Variants in ZFPM1 observed in about 807,000 individuals in gnomAD.
The protein encoded by ZFPM1 is zinc finger protein, FOG family member 1.
ZFPM1 carries 28 observed loss-of-function variants against 46.3 expected under a neutral mutation model. That is an observed-to-expected ratio of 0.60 (90% CI 0.45 to 0.83). The LOEUF (loss-of-function observed/expected upper bound fraction) is 0.83, where lower values mean the gene tolerates loss of function less well. ZFPM1 is among the 40% of genes least tolerant of loss of function. The pLI, the probability that ZFPM1 is intolerant of heterozygous loss-of-function variation, is 0.00. For missense variants in ZFPM1, 1,878 were observed against 1,432.4 expected (o/e 1.31, Z -5.02); for synonymous variants, 957 against 675.9 (o/e 1.42, Z -6.45).
rs1387980734 is a variant in ZFPM1, at chr16:88,533,192, C to T, written c.1234C>T (p.Pro412Ser). The T allele has an allele frequency of 1.3e-5, 20 of 1,539,168 alleles. No homozygotes were observed. Among genetic ancestry groups the T allele is most frequent in the Non-Finnish European group, 1.7e-5 (20 of 1,152,666 alleles). ...FQQQHTALQGPLASADLGLAP... is the reference protein window; with the variant it reads ...FQQQHTALQGSLASADLGLAP... ...GCAGCAGCACACGGCCCTGCAAGGC[C>T]CCCTGGCCTCCGCGGACCTGGGCCT... The change falls in exon 10 of 10, where the codon CCC becomes TCC. Residue 412 changes from proline to serine, a missense_variant. Transcript: ENST00000319555.
Position 88,534,296 on chromosome 16 carries a change from G to T in ZFPM1, c.2338G>T (p.Gly780Cys). ...CGGAAGCGGAAGCGGAAGCGGCCCC[G>T]GCCTCGCCCCTGCGCGCTCGCCCGG... Reference protein sequence around the residue: ...RPGSGSGSGPGLAPARSPGPA... With the variant: ...RPGSGSGSGPCLAPARSPGPA... The change falls in exon 10 of 10, where the codon GGC becomes TGC. Residue 780 changes from glycine (G) to cysteine (C), a missense_variant. Coordinates refer to ENST00000319555, the MANE Select transcript of ZFPM1 (RefSeq NM_153813.3). 1 of 1,227,786 alleles carries T rather than the reference G, an allele frequency of 8.1e-7. No homozygotes were observed. The highest frequency in any genetic ancestry group is 1.0e-6 in the Non-Finnish European group (1 of 987,362). The allele number at this position is 1,227,786 out of a possible 1,614,324, so 76.1% of individuals were successfully genotyped here.
intron 1 of ZFPM1, among the ~76,000 whole-genome samples, chr16:88,460,014 C>G (rs7188155): frequency 0.33 from 50,520 of 150,834 alleles, 8,670 homozygotes; most frequent in East Asian, 0.49. Flanking sequence ...CCCTGACACC[C>G]ACCCTCTAGC....
intron 3 of ZFPM1, 71 bp downstream of exon 3, chr16:88,489,224 C>A: frequency 6.6e-7 from 1 of 1,509,986 alleles, no homozygotes. Context: ...GGGAGCAGGG[C>A]GACGTGGGTG....
At chr16:88,478,067 C>G (rs1187979726) in intron 1 of ZFPM1, among the ~76,000 whole-genome samples, 1 of 152,200 alleles carries the variant, frequency 6.6e-6, no homozygotes, top group East Asian at 1.9e-4. Context: ...GTCTGTCTGC[C>G]TCTTGGTGGA....
intron 4 of ZFPM1, among the ~76,000 whole-genome samples, chr16:88,521,209 A>C (rs1266431353): frequency 2.8e-5 from 4 of 144,422 alleles, no homozygotes; most frequent in African/African-American, 7.8e-5. Flanking sequence ...GCTGTTTCCC[A>C]CTGCCACTCC....
chr16:88,483,556 C>T (rs1005701544), intron 1 of ZFPM1, among the ~76,000 whole-genome samples: 6 of 152,228 alleles, frequency 3.9e-5, no homozygotes, highest in East Asian at 1.9e-4. Flanking sequence ...CTCCCATCCC[C>T]GTGTTTTTCT....
chr16:88,489,944 G>A (rs1459036884), intron 3 of ZFPM1, among the ~76,000 whole-genome samples: 26 of 152,156 alleles, frequency 1.7e-4, no homozygotes, highest in Admixed American at 1.7e-3. Flanking sequence ...GGGAGGGAGG[G>A]GGCCCAGCAG....
chr16:88,517,226 ATGGGTGGGTGGG>A (rs552381201), intron 4 of ZFPM1, among the ~76,000 whole-genome samples: 7,113 of 27,232 alleles, frequency 0.26, 398 homozygotes, highest in African/African-American at 0.38. Context: ...GGATGGATGG[ATGGGTGGGTGGG>A]TGGGTGGATG....
rs1367380117 is a variant in ZFPM1, at chr16:88,528,650, G to A, written c.712+412G>A. ...GAGGTGTCCCTGGACACCACGGGGG[G>A]TGAGCGGCAGCCCTGGCCCCGGCCC... is the stretch of plus-strand genomic sequence containing the variant. On this transcript the variant is annotated intron_variant, in intron 6 of 9. Transcript: ENST00000319555. Among the ~76,000 whole-genome samples, 6 of 152,238 alleles carry A rather than the reference G, an allele frequency of 3.9e-5. No homozygotes were observed. The East Asian group carries it at 1.2e-3, about 29-fold the overall frequency.
chr16:88,527,956 T>C, intron 5 of ZFPM1, 76 bp from the exon 6 acceptor site: 1 of 1,416,206 alleles, frequency 7.1e-7, no homozygotes, highest in Non-Finnish European at 9.5e-7. Flanking sequence ...CCTGACCCCA[T>C]CCTCTGCCCC....
intron 4 of ZFPM1, among the ~76,000 whole-genome samples, chr16:88,519,286 T>C (rs996328897): frequency 6.7e-6 from 1 of 150,302 alleles, no homozygotes; most frequent in Admixed American, 6.6e-5. Context: ...GATGGATGGA[T>C]GGATGGATGG....
rs1908902624 is a variant in ZFPM1, at chr16:88,480,866, T to A, written c.41-5073T>A. On this transcript the variant is annotated intron_variant, in intron 1 of 9. Transcript: ENST00000319555. This position sits in a 1 kb window ranked among gnomAD's most constrained non-coding sequence, Gnocchi z 4.9. ...CTGGCTCCAGCTTTCCGCAAGACAG[T>A]CGTTCAAAGGAGCCCCCCAGCGCCT... is the stretch of plus-strand genomic sequence containing the variant. Among the ~76,000 whole-genome samples the A allele has an allele frequency of 6.6e-6, 1 of 152,198 alleles. No homozygotes were observed. Among genetic ancestry groups the A allele is most frequent in the South Asian group, 2.1e-4 (1 of 4,834 alleles).
chr16:88,484,466 G>A (rs114434383), intron 1 of ZFPM1, among the ~76,000 whole-genome samples: 1,741 of 152,226 alleles, frequency 0.011, 38 homozygotes, highest in African/African-American at 0.039. Flanking sequence ...TCAGACACGC[G>A]GTTTCCAGAC....
chr16:88,517,630 G>T (rs1328586227), intron 4 of ZFPM1, among the ~76,000 whole-genome samples: 2 of 150,102 alleles, frequency 1.3e-5, no homozygotes, highest in Non-Finnish European at 3.0e-5. Context: ...TGGATAGGTG[G>T]GTAGATGGAT....
At chr16:88,514,245 C>T in intron 3 of ZFPM1, 142 bp from the exon 4 acceptor site, 12 of 1,411,490 alleles carry the variant, frequency 8.5e-6, no homozygotes, top group African/African-American at 1.4e-5. Flanking sequence ...CCCCTGGGAC[C>T]CAGCACCTGC....
intron 1 of ZFPM1, 84 bp downstream of exon 1, chr16:88,453,762 C>G (rs921051880): frequency 2.3e-6 from 2 of 864,644 alleles, no homozygotes; most frequent in Non-Finnish European, 2.8e-6. Context: ...CGCCCGTCCC[C>G]GCTCTGCCCT....
intron 6 of ZFPM1, among the ~76,000 whole-genome samples, chr16:88,530,109 T>A (rs931453318): frequency 2.0e-5 from 3 of 151,932 alleles, no homozygotes; most frequent in Non-Finnish European, 4.4e-5. Context: ...TGGGAGGCCA[T>A]TGCACCCCTC....
chr16:88,498,684 C>G (rs1339093611), intron 3 of ZFPM1, among the ~76,000 whole-genome samples: 1 of 152,216 alleles, frequency 6.6e-6, no homozygotes, highest in East Asian at 1.9e-4. Flanking sequence ...AGGGCGCAGT[C>G]CCGGAGCCGG....
At chr16:88,500,468 C>T (rs1224309054) in intron 3 of ZFPM1, among the ~76,000 whole-genome samples, 1 of 152,272 alleles carries the variant, frequency 6.6e-6, no homozygotes, top group East Asian at 1.9e-4. Flanking sequence ...TCACCACCAG[C>T]GTGGGCACCG....
Sources: gnomAD v4.1 joint callset for allele counts (sites outside exome capture counted in the v4.1 genomes callset) on GRCh38, gnomAD v4.1.1 for gene constraint, Gnocchi (gnomAD v3.1) non-coding constraint, MANE v1.5 for transcripts, NCBI Gene and HGNC (gene_info 2026-07-23, HGNC 2026-07-21) for gene names.